Variants in RBFOX1 observed in about 807,000 individuals in gnomAD.
The protein encoded by RBFOX1 is RNA binding protein fox-1 homolog 1.
Under a neutral mutation model 57.7 loss-of-function variants are expected in RBFOX1, and 8 were observed. The observed-to-expected ratio is 0.14, with a 90% CI of 0.08 to 0.25. The LOEUF (loss-of-function observed/expected upper bound fraction) is 0.25, where lower values mean the gene tolerates loss of function less well. Among genes scored for constraint, RBFOX1 ranks in the 10% least tolerant of loss-of-function variants. RBFOX1 has a pLI of 1.00. For missense variants in RBFOX1, 611 were observed against 548.5 expected (o/e 1.11, Z -1.14); for synonymous variants, 326 against 222.4 (o/e 1.47, Z -4.15).
In RBFOX1 at chr16:5,488,597, TGTGGTGGGGC is replaced by T. The variant is rs2042723500; in HGVS notation, c.258+21347_258+21356del. Among the ~76,000 whole-genome samples the T allele has an allele frequency of 7.7e-5, 2 of 26,026 alleles. 1 individual carries two copies. The highest frequency in any genetic ancestry group is 4.8e-3 in the South Asian group (2 of 414). The allele number at this position is 26,026 out of a possible 152,430, so 17.1% of individuals were successfully genotyped here. A position where few individuals can be genotyped will look rare whatever the true frequency, so the allele number is the denominator to read the frequency against. ...TGATGGTGATGATTGAAGATGATGG[TGTGGTGGGGC>T]GTGATGGTGATGATAATGGAGGATT... On this transcript the variant is annotated intron_variant, in intron 2 of 2. Coordinates refer to the RBFOX1 transcript ENST00000585867.
At chr16:5,817,195 T>G (rs774258732) in intron 3 of RBFOX1, among the ~76,000 whole-genome samples, 1 of 152,192 alleles carries the variant, frequency 6.6e-6, no homozygotes, top group African/African-American at 2.4e-5. Flanking sequence ...TGTGTGTTTG[T>G]GTGTGTGTTG....
At chr16:7,533,219 T>G (rs55763090) in intron 5 of RBFOX1, among the ~76,000 whole-genome samples, 1 of 152,182 alleles carries the variant, frequency 6.6e-6, no homozygotes, top group African/African-American at 2.4e-5. Flanking sequence ...GATTTGGTAT[T>G]TCTTACTGGA....
chr16:7,280,693 G>A (rs550288805), intron 4 of RBFOX1, among the ~76,000 whole-genome samples: 16 of 152,236 alleles, frequency 1.1e-4, no homozygotes, highest in African/African-American at 3.1e-4. Flanking sequence ...CCCTGCTGAC[G>A]TTTTGGACCA....
intron 2 of RBFOX1, among the ~76,000 whole-genome samples, chr16:6,432,491 G>A (rs923452231): frequency 1.4e-4 from 21 of 150,566 alleles, no homozygotes; most frequent in Non-Finnish European, 3.1e-4. Flanking sequence ...GGCCAACAGG[G>A]TGTAACCTCA....
chr16:6,230,411 G>T (rs940498335), intron 1 of RBFOX1, among the ~76,000 whole-genome samples: 8 of 152,214 alleles, frequency 5.3e-5, no homozygotes, highest in African/African-American at 1.7e-4. Flanking sequence ...CTCTGATCAC[G>T]CTATTATTCT....
chr16:6,174,367 G>A (rs1012866882), intron 1 of RBFOX1, among the ~76,000 whole-genome samples: 2 of 152,178 alleles, frequency 1.3e-5, no homozygotes, highest in Non-Finnish European at 2.9e-5. Context: ...GGCCAAGGAG[G>A]GCAGATCACC....
chr16:7,445,778 C>G lies in RBFOX1; in HGVS notation c.28-72369C>G, dbSNP rs112229837. On this transcript the variant is annotated intron_variant, in intron 4 of 15. Transcript: ENST00000550418. Reference sequence around the variant, plus strand: ...GGTGACGTTTGGAGATGCCCAAAGACTGATATCCCAAAAGTACCTAATCTA... The same window carrying G: ...GGTGACGTTTGGAGATGCCCAAAGAGTGATATCCCAAAAGTACCTAATCTA... Among the ~76,000 whole-genome samples the G allele has an allele frequency of 3.1e-3, 476 of 152,256 alleles. 4 individuals carry two copies. The highest frequency in any genetic ancestry group is 0.011 in the African/African-American group (443 of 41,548).
chr16:6,641,382 A>C (rs2098486229), intron 2 of RBFOX1, among the ~76,000 whole-genome samples: 1 of 152,142 alleles, frequency 6.6e-6, no homozygotes, highest in South Asian at 2.1e-4. Flanking sequence ...TTATAAATCC[A>C]AGGGAGCATT....
intron 3 of RBFOX1, among the ~76,000 whole-genome samples, chr16:6,678,868 G>A (rs540948402): frequency 2.0e-4 from 31 of 152,214 alleles, no homozygotes; most frequent in African/African-American, 5.3e-4. Context: ...GTGGTTTATC[G>A]CATTGTTTCC....
chr16:7,611,818 A>C (rs2057525724), intron 10 of RBFOX1, among the ~76,000 whole-genome samples: 1 of 152,060 alleles, frequency 6.6e-6, no homozygotes, highest in South Asian at 2.1e-4. Flanking sequence ...TTCTTTTCTG[A>C]ATTCTCATCA....
intron 3 of RBFOX1, among the ~76,000 whole-genome samples, chr16:6,841,555 C>T (rs1378396510): frequency 6.6e-6 from 1 of 152,072 alleles, no homozygotes; most frequent in East Asian, 1.9e-4. Flanking sequence ...CGAGTATTAC[C>T]ACAGGCCCTT....
chr16:6,035,090 T>A (rs1164006670), intron 1 of RBFOX1, among the ~76,000 whole-genome samples: 1 of 152,210 alleles, frequency 6.6e-6, no homozygotes, highest in Non-Finnish European at 1.5e-5. Flanking sequence ...ATAGCATCCC[T>A]GGCCTCTACC....
intron 3 of RBFOX1, among the ~76,000 whole-genome samples, chr16:7,047,716 C>CTTTTTTTTTT (rs55636828): frequency 1.7e-4 from 8 of 47,932 alleles, no homozygotes; most frequent in Non-Finnish European, 2.4e-4. Context: ...TCCTGCATTT[C>CTTTTTTTTTT]TTTTTTTTTT....
At chr16:6,262,820 G>C (rs1197219471) in intron 1 of RBFOX1, among the ~76,000 whole-genome samples, 1 of 152,130 alleles carries the variant, frequency 6.6e-6, no homozygotes, top group Non-Finnish European at 1.5e-5. Context: ...CCCATTCTAA[G>C]TACCAGGGTC....
chr16:7,698,172 G>A (rs2079396359), intron 14 of RBFOX1, among the ~76,000 whole-genome samples: 1 of 124,208 alleles, frequency 8.1e-6, no homozygotes, highest in Non-Finnish European at 1.7e-5. Context: ...TTTAGACACA[G>A]AGTCCAAGAG....
intron 2 of RBFOX1, among the ~76,000 whole-genome samples, chr16:5,553,997 C>A (rs2045574838): frequency 7.1e-6 from 1 of 141,172 alleles, no homozygotes; most frequent in Non-Finnish European, 1.5e-5. Context: ...GAGACAGAGT[C>A]TTGCTGTTGT....
At chr16:5,772,037 C>A (rs890527178) in intron 3 of RBFOX1, among the ~76,000 whole-genome samples, 1 of 151,992 alleles carries the variant, frequency 6.6e-6, no homozygotes, top group East Asian at 1.9e-4. Context: ...CTGAGTGTGG[C>A]AGCACATGCC....
chr16:5,695,307 C>A lies in RBFOX1; in HGVS notation c.318+96346C>A, dbSNP rs17138411. Among the ~76,000 whole-genome samples the A allele has an allele frequency of 0.013, 1,941 of 152,238 alleles. 103 individuals carry two copies. In the East Asian group the frequency reaches 0.16, roughly 13 times the overall value. ...TCATCATCCAACTCAATAATCATTA[C>A]ATTTCTATATATCAGGGCAAATATT... is the stretch of plus-strand genomic sequence containing the variant. On this transcript the variant is annotated intron_variant, in intron 3 of 19. Transcript: ENST00000641259.
rs527760782 is a variant in RBFOX1 at position 5,556,287 on chromosome 16, G to T, written c.259-42615G>T. On this transcript the variant is annotated intron_variant, in intron 2 of 2. Coordinates refer to the RBFOX1 transcript ENST00000585867. ...GCCATCTGTAGAAAGCGCTATCAAA[G>T]GGATCTCAGTGTAAACGGTGGTATT... 6.6e-4 allele frequency among the ~76,000 whole-genome samples: 101 copies of T among 152,260 alleles called. 1 individual carries two copies. Among genetic ancestry groups the T allele is most frequent in the African/African-American group, 2.3e-3 (97 of 41,554 alleles).
Sources: allele counts gnomAD v4.1 joint callset (sites outside exome capture counted in the v4.1 genomes callset), GRCh38; gene constraint gnomAD v4.1.1; transcripts MANE v1.5; gene names NCBI Gene and HGNC (gene_info 2026-07-23, HGNC 2026-07-21).